The following GRIK4 variants were observed in gnomAD, a reference collection of about 807,000 sequenced individuals.
GRIK4 encodes glutamate ionotropic receptor kainate type subunit 4.
In GRIK4, 40 loss-of-function variants were observed where a neutral mutation model predicts 104.9. The observed-to-expected ratio is 0.38, with a 90% CI of 0.30 to 0.50. The LOEUF is 0.50. Among genes scored for constraint, GRIK4 ranks in the 20% least tolerant of loss-of-function variants. The pLI is 0.93. For synonymous variants in GRIK4, 485 were observed against 524.9 expected (o/e 0.92, Z 1.04); for missense variants, 1,047 against 1,308.1 (o/e 0.80, Z 3.08).
At chr11:120,512,406 C>T (rs1947673292) in intron 1 of GRIK4, among the ~76,000 whole-genome samples, 1 of 151,920 alleles carries the variant, frequency 6.6e-6, no homozygotes, top group Admixed American at 6.5e-5. Context: ...CACCAAGCCC[C>T]CTCCCCCTTT....
At chr11:120,832,509 CCAGCGTAGAGCTCT>C (rs1262693808) in intron 7 of GRIK4, among the ~76,000 whole-genome samples, 29 of 152,312 alleles carry the variant, frequency 1.9e-4, no homozygotes, top group African/African-American at 6.5e-4. Context: ...AGTCGATCTC[CCAGCGTAGAGCTCT>C]CAGCAATGAC....
rs531018215 is a variant in GRIK4 at position 120,948,674 on chromosome 11, C to T, written c.1591-4181C>T. On this transcript the variant is annotated intron_variant, in intron 14 of 20. Transcript: ENST00000527524. ...GCATTCTTCCCCAAAGCATCTTTAA[C>T]ATGTGTCACTGTAAGAGAGAAAGTA... 8.5e-5 allele frequency among the ~76,000 whole-genome samples: 13 copies of T among 152,344 alleles called. No individual in the cohort carries two copies. In the South Asian group the frequency reaches 2.7e-3, roughly 32 times the overall value.
chr11:120,948,035 A>G (rs1023714679), intron 14 of GRIK4, among the ~76,000 whole-genome samples: 5 of 152,218 alleles, frequency 3.3e-5, no homozygotes, highest in African/African-American at 1.2e-4. Context: ...TCAGAGGTGG[A>G]AAGTGCATGC....
At chr11:120,637,090 A>G (rs1307605432) in intron 1 of GRIK4, among the ~76,000 whole-genome samples, 1 of 152,034 alleles carries the variant, frequency 6.6e-6, no homozygotes, top group Admixed American at 6.6e-5. Context: ...AGTCGTGAAG[A>G]ATAGAAGAGA....
At chr11:120,778,395 G>A (rs561293882) in intron 3 of GRIK4, among the ~76,000 whole-genome samples, 53 of 152,230 alleles carry the variant, frequency 3.5e-4, no homozygotes, top group African/African-American at 1.0e-3. Context: ...GACTCATTCC[G>A]TTTATATCCC....
rs147935614 is a variant in GRIK4 at position 120,556,444 on chromosome 11, C to T, written c.-159+44557C>T. ...AAATGTAAGTCAGATCAAGTCATTT[C>T]GCAAGGATAACTCCACATGCATCCG... On this transcript the variant is annotated intron_variant, in intron 1 of 20. Coordinates refer to ENST00000527524, the MANE Select transcript of GRIK4 (RefSeq NM_014619.5). Among the ~76,000 whole-genome samples the T allele has an allele frequency of 7.9e-5, 12 of 152,260 alleles. No individual in the cohort carries two copies. In the East Asian group the frequency reaches 2.1e-3, roughly 27 times the overall value.
intron 8 of GRIK4, among the ~76,000 whole-genome samples, chr11:120,844,059 C>T (rs1007053454): frequency 1.3e-5 from 2 of 152,046 alleles, no homozygotes; most frequent in South Asian, 2.1e-4. Flanking sequence ...AGACCTGAGC[C>T]TATGTTTATT....
intron 9 of GRIK4, chr11:120,870,554 CA>C: frequency 6.6e-6 from 1 of 151,926 alleles, no homozygotes; most frequent in Non-Finnish European, 1.5e-5. Context: ...TCTGATAGAG[CA>C]ATGACAACCT....
intron 3 of GRIK4, among the ~76,000 whole-genome samples, chr11:120,672,944 C>A (rs1950044459): frequency 6.6e-6 from 1 of 152,132 alleles, no homozygotes; most frequent in Non-Finnish European, 1.5e-5. Context: ...TTGCCCTGGC[C>A]AGAACTTCCA....
intron 1 of GRIK4, among the ~76,000 whole-genome samples, chr11:120,512,202 C>T (rs900050639): frequency 4.7e-4 from 71 of 152,142 alleles, no homozygotes; most frequent in Non-Finnish European, 9.3e-4. Flanking sequence ...CTCCGCATCC[C>T]TTCCCCGGGC....
rs116655650 is a variant in GRIK4, at chr11:120,881,804, T to C, written c.1164+6561T>C. On this transcript the variant is annotated intron_variant, in intron 11 of 20. Transcript: ENST00000527524. ...CCGGGGGAGTTGGGATCCTCCTGCGTTGGCAGCAGTGGAACTTGCTTTGCT... is the reference window on the plus strand; with the variant it reads ...CCGGGGGAGTTGGGATCCTCCTGCGCTGGCAGCAGTGGAACTTGCTTTGCT... Among the ~76,000 whole-genome samples the C allele has an allele frequency of 9.6e-3, 1,465 of 152,318 alleles. 21 individuals carry two copies. Among genetic ancestry groups the C allele is most frequent in the African/African-American group, 0.033 (1,357 of 41,568 alleles).
At chr11:120,606,790 T>C (rs1565571146) in intron 1 of GRIK4, among the ~76,000 whole-genome samples, 1 of 152,194 alleles carries the variant, frequency 6.6e-6, no homozygotes, top group Non-Finnish European at 1.5e-5. Flanking sequence ...GCCCTTGAGC[T>C]CAGGCTTCAG....
intron 13 of GRIK4, among the ~76,000 whole-genome samples, chr11:120,923,268 A>C (rs1943262077): frequency 6.6e-6 from 1 of 152,168 alleles, no homozygotes; most frequent in Non-Finnish European, 1.5e-5. Context: ...GTTGCGGCCC[A>C]AAGCAGAGGC....
rs1456531386 is a variant in GRIK4 at position 120,819,948 on chromosome 11, C to G, written c.511+28C>G. 6.2e-7 allele frequency: 1 copy of G among 1,609,092 alleles called. No individual in the cohort carries two copies. Among genetic ancestry groups the G allele is most frequent in the African/African-American group, 1.3e-5 (1 of 74,796 alleles). ...AAGTTTCCCCAGGCTGGCTCTGCCCCAGACAGTCCAGTCTTGTTGATTTTG... is the reference window on the plus strand; with the variant it reads ...AAGTTTCCCCAGGCTGGCTCTGCCCGAGACAGTCCAGTCTTGTTGATTTTG... On this transcript the variant is annotated intron_variant, in intron 6 of 20. Transcript: ENST00000527524. This position sits in a 1 kb window ranked among gnomAD's most constrained non-coding sequence, Gnocchi z 4.3.
chr11:120,660,260 C>T lies in GRIK4; in HGVS notation c.-50-9C>T. 1 of 1,278,614 alleles carries T rather than the reference C, an allele frequency of 7.8e-7. No individual in the cohort carries two copies. The allele number at this position is 1,278,614 out of a possible 1,614,324, so 79.2% of individuals were successfully genotyped here. ...GGGACTCACGTGCCCCCAACCCCCT[C>T]TCTCGCAGAGTTATGTCATGCCCAG... On this transcript the variant is annotated splice_polypyrimidine_tract_variant and intron_variant, in intron 2 of 20. Transcript: ENST00000527524.
chr11:120,915,435 C>T (rs529573536), intron 13 of GRIK4, among the ~76,000 whole-genome samples: 4 of 152,228 alleles, frequency 2.6e-5, no homozygotes, highest in East Asian at 3.9e-4. Flanking sequence ...TGCCAGGCTG[C>T]GGCTGGGCTC....
At chr11:120,816,259 G>C (rs1425660483) in intron 5 of GRIK4, among the ~76,000 whole-genome samples, 1 of 152,068 alleles carries the variant, frequency 6.6e-6, no homozygotes, top group Non-Finnish European at 1.5e-5. Context: ...GTCCTTCCTG[G>C]ATCCATCAAT....
intron 1 of GRIK4, among the ~76,000 whole-genome samples, chr11:120,575,313 C>T (rs1948467704): frequency 6.6e-6 from 1 of 152,118 alleles, no homozygotes; most frequent in South Asian, 2.1e-4. Context: ...TCATCTCAGG[C>T]CTCCCTCCCC....
intron 1 of GRIK4, among the ~76,000 whole-genome samples, chr11:120,589,296 G>A (rs1591717875): frequency 6.6e-6 from 1 of 152,296 alleles, no homozygotes; most frequent in East Asian, 1.9e-4. Context: ...TTAATTTACT[G>A]CCTAGGCCAA....
Sources: allele counts gnomAD v4.1 joint callset (sites outside exome capture counted in the v4.1 genomes callset), GRCh38; gene constraint gnomAD v4.1.1; non-coding constraint Gnocchi (gnomAD v3.1); transcripts MANE v1.5; gene names NCBI Gene and HGNC (gene_info 2026-07-23, HGNC 2026-07-21).